The following DNAH8 variants were observed in gnomAD, a reference collection of about 807,000 sequenced individuals.
The protein encoded by DNAH8 is dynein axonemal heavy chain 8.
DNAH8 carries 382 observed loss-of-function variants against 562.1 expected under a neutral mutation model. That is an observed-to-expected ratio of 0.68 (90% CI 0.63 to 0.74). The LOEUF (loss-of-function observed/expected upper bound fraction) is 0.74, where lower values mean the gene tolerates loss of function less well. Among genes scored for constraint, DNAH8 ranks in the 30% least tolerant of loss-of-function variants. The pLI is 0.00. For missense variants in DNAH8, 5,203 were observed against 5,620.4 expected (o/e 0.93, Z 2.37); for synonymous variants, 1,881 against 1,919.4 (o/e 0.98, Z 0.52).
At chr6:38,980,393 G>A (rs1763947774) in intron 85 of DNAH8, among the ~76,000 whole-genome samples, 1 of 152,060 alleles carries the variant, frequency 6.6e-6, no homozygotes, top group Non-Finnish European at 1.5e-5. Flanking sequence ...AGCAATGTTA[G>A]GGACCAAGGC....
intron 26 of DNAH8, among the ~76,000 whole-genome samples, chr6:38,817,780 A>G (rs1207670672): frequency 6.6e-6 from 1 of 152,216 alleles, no homozygotes; most frequent in East Asian, 1.9e-4. Context: ...AAGAAGAGCT[A>G]GGGAAAAAGC....
chr6:38,759,248 C>T (rs558775192), intron 10 of DNAH8, among the ~76,000 whole-genome samples: 30 of 152,128 alleles, frequency 2.0e-4, no homozygotes, highest in East Asian at 1.2e-3. Context: ...TTCAAGAATG[C>T]AGTAAGCTGT....
intron 23 of DNAH8, 107 bp downstream of exon 23, chr6:38,805,703 T>C: frequency 5.0e-6 from 3 of 603,944 alleles, no homozygotes; most frequent in Non-Finnish European, 8.6e-6. Flanking sequence ...CCAATCTAAT[T>C]TCTAACAAAA....
intron 82 of DNAH8, among the ~76,000 whole-genome samples, chr6:38,958,732 A>G (rs1246125957): frequency 6.6e-6 from 1 of 151,606 alleles, no homozygotes; most frequent in East Asian, 1.9e-4. Flanking sequence ...AATAATACCT[A>G]TTCTTCTCAA....
chr6:38,945,729 T>A, intron 80 of DNAH8, 141 bp downstream of exon 80: 1 of 1,105,346 alleles, frequency 9.0e-7, no homozygotes, highest in South Asian at 1.5e-5. Context: ...TCTGTGGCTG[T>A]CTGGGAGAGA....
At position 38,883,979 on chromosome 6, in the gene DNAH8, T is replaced by C; in HGVS notation, c.8240T>C (p.Ile2747Thr). The C allele has an allele frequency of 1.3e-6, 2 of 1,571,908 alleles. No homozygotes were observed. Among genetic ancestry groups the C allele is most frequent in the South Asian group, 1.2e-5 (1 of 83,776 alleles). Residue 2747 changes from isoleucine (I) to threonine (T), a missense_variant, in exon 56 of 93, where the codon ATT becomes ACT. Around this residue, in one of 6 missense-constraint regions of DNAH8, gnomAD observed 977 missense variants for 1,061.8 expected, o/e 0.92. Transcript: ENST00000327475. ...VFIDDINMPV[I>T]NEWGDQITNE... is the part of the protein sequence containing the mutation. ...ATTGATGATATTAATATGCCTGTGA[T>C]TAATGAGTGGGGAGATCAGGTATGG...
At chr6:38,922,895 A>G (rs1781824556) in intron 71 of DNAH8, 163 bp from the exon 72 acceptor site, 1 of 674,368 alleles carries the variant, frequency 1.5e-6, no homozygotes, top group Non-Finnish European at 2.3e-6. Flanking sequence ...ATTATGAATG[A>G]TCAAAATTTA....
intron 60 of DNAH8, among the ~76,000 whole-genome samples, chr6:38,897,674 G>C (rs962061003): frequency 2.0e-5 from 3 of 152,122 alleles, no homozygotes; most frequent in Non-Finnish European, 4.4e-5. Context: ...CCGCGACTTG[G>C]GGGAGTTGAG....
intron 30 of DNAH8, 60 bp from the exon 31 acceptor site, chr6:38,832,262 T>A (rs761639383): frequency 3.0e-6 from 3 of 1,012,580 alleles, no homozygotes; most frequent in Non-Finnish European, 4.6e-6. Context: ...AATAGAATTG[T>A]AATTTTTGTT....
intron 88 of DNAH8, among the ~76,000 whole-genome samples, chr6:38,998,092 G>A (rs1765260957): frequency 6.6e-6 from 1 of 152,168 alleles, no homozygotes; most frequent in Non-Finnish European, 1.5e-5. Flanking sequence ...GGGCCATGAT[G>A]GAGAACTCGA....
At position 38,926,168 on chromosome 6, in the gene DNAH8, C is replaced by T. The variant is rs1323074664; in HGVS notation, c.11076C>T (p.Gly3692=). The T allele has an allele frequency of 6.2e-7, 1 of 1,613,552 alleles. No homozygotes were observed. Among genetic ancestry groups the T allele is most frequent in the Non-Finnish European group, 8.5e-7 (1 of 1,179,714 alleles). ...YPLLIDPQTQ[G]KTWIKSKEKE... is the part of the protein sequence containing the mutation. Reference sequence around the variant, plus strand: ...TCCTCATAGACCCACAAACTCAAGGCAAAACTTGGATTAAATCAAAGGAAA... The same window carrying T: ...TCCTCATAGACCCACAAACTCAAGGTAAAACTTGGATTAAATCAAAGGAAA... The change falls in exon 74 of 93, where the codon GGC becomes GGT. Residue 3692 remains glycine (G), a synonymous_variant. Coordinates refer to ENST00000327475, the MANE Select transcript of DNAH8 (RefSeq NM_001206927.2).
In DNAH8 at chr6:38,952,159, A is replaced by T. The variant is rs150422513; in HGVS notation, c.12451+639A>T. Among the ~76,000 whole-genome samples the T allele has an allele frequency of 4.2e-3, 634 of 152,334 alleles. 4 individuals carry two copies. The highest frequency in any genetic ancestry group is 0.015 in the African/African-American group (607 of 41,560). On this transcript the variant is annotated intron_variant, in intron 82 of 92. Transcript: ENST00000327475. The stretch of plus-strand genomic sequence containing the variant: ...GAAAACATCACATTGATGATATTTG[A>T]GTAGGAAATTAAAAAATAGATAAAA...
rs1766935519 is a variant in DNAH8 at position 39,021,833 on chromosome 6, C to CA, written c.13715-4709dup. Among the ~76,000 whole-genome samples the CA allele has an allele frequency of 4.6e-5, 7 of 152,308 alleles. No individual in the cohort carries two copies. The South Asian group carries it at 1.5e-3, about 32-fold the overall frequency. On this transcript the variant is annotated intron_variant, in intron 91 of 92. Transcript: ENST00000327475. ...TGCTTATTTTTAGTGTAAATCATTA[C>CA]AAAATGCCAACCAACTCCTTATAAA...
chr6:38,880,378 G>A (rs1778380658), intron 53 of DNAH8, among the ~76,000 whole-genome samples: 1 of 152,002 alleles, frequency 6.6e-6, no homozygotes, highest in African/African-American at 2.4e-5. Context: ...CAAATAAGGG[G>A]ACAGATCTTA....
chr6:38,875,499 TCTTC>T (rs71556986), intron 52 of DNAH8, 88 bp from the exon 53 acceptor site: 2 of 774,560 alleles, frequency 2.6e-6, no homozygotes, highest in Non-Finnish European at 3.9e-6. Context: ...TTTTCTTCTC[TCTTC>T]CTTCCTCCTT....
chr6:38,815,436 C>A lies in DNAH8; in HGVS notation c.3334-32C>A, dbSNP rs751317976. ...TTGAGGGATGGACTGTATGTGCCGGCAGTATTACACATTTGTTTCTTCTTT... is the reference window on the plus strand; with the variant it reads ...TTGAGGGATGGACTGTATGTGCCGGAAGTATTACACATTTGTTTCTTCTTT... On this transcript the variant is annotated intron_variant, in intron 25 of 92. Coordinates refer to ENST00000327475, the MANE Select transcript of DNAH8 (RefSeq NM_001206927.2). 1.9e-6 allele frequency: 3 copies of A among 1,551,908 alleles called. No individual in the cohort carries two copies. The Admixed American group carries it at 5.0e-5, about 26-fold the overall frequency.
At chr6:38,890,109 C>T (rs1367183585) in intron 57 of DNAH8, among the ~76,000 whole-genome samples, 2 of 152,154 alleles carry the variant, frequency 1.3e-5, no homozygotes, top group Non-Finnish European at 2.9e-5. Context: ...GCATGTCTAG[C>T]CCAGGCCAGA....
chr6:38,833,089 G>A (rs771100812), intron 31 of DNAH8, among the ~76,000 whole-genome samples: 23 of 152,124 alleles, frequency 1.5e-4, no homozygotes, highest in Non-Finnish European at 3.2e-4. Context: ...GGTCAGTCCC[G>A]TATGCTACTC....
At chr6:38,750,778 AAT>A (rs1765374377) in intron 9 of DNAH8, among the ~76,000 whole-genome samples, 189 bp downstream of exon 9, 1 of 152,302 alleles carries the variant, frequency 6.6e-6, no homozygotes, top group Admixed American at 6.5e-5. Context: ...TATAAAAAAA[AAT>A]AGTACAATTT....
Sources: gnomAD v4.1 joint callset for allele counts (sites outside exome capture counted in the v4.1 genomes callset) on GRCh38, gnomAD v4.1.1 for gene constraint, gnomAD v4.1.1 regional missense constraint, MANE v1.5 for transcripts, NCBI Gene and HGNC (gene_info 2026-07-23, HGNC 2026-07-21) for gene names.